The following MPP7 variants were observed in gnomAD, a reference collection of about 807,000 sequenced individuals.
MPP7 encodes MAGUK p55 scaffold protein 7, also known as MAGUK p55 subfamily member 7.
Under a neutral mutation model 76.5 loss-of-function variants are expected in MPP7, and 60 were observed. The ratio of observed to expected loss-of-function variants is 0.78; its 90% CI spans 0.64 to 0.97. The LOEUF (loss-of-function observed/expected upper bound fraction) is 0.97, where lower values mean the gene tolerates loss of function less well. Ranked by LOEUF, MPP7 falls within the 50% of genes least tolerant of loss-of-function variation. The pLI, the probability that MPP7 is intolerant of heterozygous loss-of-function variation, is 0.00. For missense variants in MPP7, 641 were observed against 694.0 expected (o/e 0.92, Z 0.86); for synonymous variants, 237 against 244.5 (o/e 0.97, Z 0.29).
chr10:28,242,682 C>T (rs897255394), intron 1 of MPP7, among the ~76,000 whole-genome samples: 6 of 152,188 alleles, frequency 3.9e-5, no homozygotes, highest in African/African-American at 1.4e-4. Flanking sequence ...GTCTTTTGCA[C>T]TGTACCAGCA....
At chr10:28,218,483 T>C (rs746072228) in intron 2 of MPP7, among the ~76,000 whole-genome samples, 1 of 152,188 alleles carries the variant, frequency 6.6e-6, no homozygotes, top group Non-Finnish European at 1.5e-5. Flanking sequence ...GGTAAAAGAT[T>C]GGCTAACTAA....
At chr10:28,256,045 C>A (rs1442746120) in intron 1 of MPP7, among the ~76,000 whole-genome samples, 2 of 152,126 alleles carry the variant, frequency 1.3e-5, no homozygotes, top group Non-Finnish European at 2.9e-5. Flanking sequence ...GGTTAATTTT[C>A]TTTGCTCTGA....
intron 1 of MPP7, among the ~76,000 whole-genome samples, chr10:28,290,098 C>T (rs1046889783): frequency 6.6e-6 from 1 of 152,208 alleles, no homozygotes; most frequent in African/African-American, 2.4e-5. Flanking sequence ...GGATTACAGG[C>T]GTGTGCCACT....
intron 1 of MPP7, among the ~76,000 whole-genome samples, chr10:28,256,721 T>C (rs986776676): frequency 6.6e-6 from 1 of 152,220 alleles, no homozygotes; most frequent in Non-Finnish European, 1.5e-5. Context: ...TTCTATTAAT[T>C]TTTTAAAATT....
At chr10:28,072,382 C>A (rs1054600085) in intron 12 of MPP7, among the ~76,000 whole-genome samples, 7 of 152,170 alleles carry the variant, frequency 4.6e-5, no homozygotes, top group African/African-American at 1.7e-4. Flanking sequence ...TCTCCTCAGT[C>A]CTTGAAAGTC....
At chr10:28,260,648 T>G (rs1245276129) in intron 1 of MPP7, among the ~76,000 whole-genome samples, 1 of 151,720 alleles carries the variant, frequency 6.6e-6, no homozygotes, top group Non-Finnish European at 1.5e-5. Context: ...GGCACATGCC[T>G]GTAGTGCCAC....
At chr10:28,296,845 T>C (rs914646375) in intron 1 of MPP7, among the ~76,000 whole-genome samples, 1 of 152,208 alleles carries the variant, frequency 6.6e-6, no homozygotes, top group Non-Finnish European at 1.5e-5. Context: ...AAATAATCTT[T>C]CCACACATAT....
chr10:28,286,629 G>A (rs571273390), intron 1 of MPP7, among the ~76,000 whole-genome samples: 36 of 152,224 alleles, frequency 2.4e-4, no homozygotes, highest in Middle Eastern at 3.4e-3. Context: ...CTTTCAGGAC[G>A]TCCATGACAT....
At chr10:28,152,979 T>C (rs1217786984) in intron 3 of MPP7, among the ~76,000 whole-genome samples, 1 of 151,920 alleles carries the variant, frequency 6.6e-6, no homozygotes, top group African/African-American at 2.4e-5. Flanking sequence ...TCAGACCGAG[T>C]GTGGTGGCTC....
chr10:28,220,544 AT>A (rs1233129843), intron 2 of MPP7, among the ~76,000 whole-genome samples: 1 of 152,164 alleles, frequency 6.6e-6, no homozygotes, highest in Admixed American at 6.5e-5. Context: ...GTAAATCTGG[AT>A]TTTACATTAC....
chr10:28,232,334 A>G (rs1838912433), intron 2 of MPP7, among the ~76,000 whole-genome samples: 1 of 149,114 alleles, frequency 6.7e-6, no homozygotes, highest in Non-Finnish European at 1.5e-5. Flanking sequence ...ATCCTGGGTG[A>G]CAGAGTGAGA....
chr10:28,309,849 CAGGG>C (rs147641080), intron 2 of MPP7, among the ~76,000 whole-genome samples: 94,505 of 151,142 alleles, frequency 0.63, 29,758 homozygotes, highest in South Asian at 0.7. Flanking sequence ...GGATTGGCTC[CAGGG>C]TTGGCTCCAG....
chr10:28,086,226 A>C (rs762164649), intron 12 of MPP7, among the ~76,000 whole-genome samples: 1 of 152,176 alleles, frequency 6.6e-6, no homozygotes, highest in African/African-American at 2.4e-5. Context: ...TGGGTGCAGC[A>C]AACCACCATA....
intron 2 of MPP7, among the ~76,000 whole-genome samples, chr10:28,322,987 A>T (rs112184971): frequency 0.12 from 17,766 of 152,046 alleles, 1,321 homozygotes; most frequent in Middle Eastern, 0.17. Context: ...ACCCATCTCT[A>T]CAAAAAAGAA....
chr10:28,277,421 C>T (rs191750097), intron 1 of MPP7, among the ~76,000 whole-genome samples: 7 of 150,598 alleles, frequency 4.6e-5, no homozygotes, highest in East Asian at 3.9e-4. Flanking sequence ...ATCACAAAAA[C>T]GATCTCCTAA....
At chr10:28,096,598 A>C (rs182741060) in intron 11 of MPP7, among the ~76,000 whole-genome samples, 224 of 152,370 alleles carry the variant, frequency 1.5e-3, no homozygotes, top group African/African-American at 5.2e-3. Context: ...AACTGTCATC[A>C]TAAAGAAATT....
At chr10:28,213,114 T>C (rs1173413159) in intron 2 of MPP7, among the ~76,000 whole-genome samples, 2 of 151,904 alleles carry the variant, frequency 1.3e-5, no homozygotes, top group Non-Finnish European at 2.9e-5. Context: ...TAATTTTTAA[T>C]TTTTTTTGTA....
At chr10:28,199,068 G>A (rs1013956961) in intron 3 of MPP7, among the ~76,000 whole-genome samples, 11 of 152,210 alleles carry the variant, frequency 7.2e-5, no homozygotes, top group African/African-American at 2.6e-4. Context: ...ATCTTACATC[G>A]TGGTAAGCAA....
At chr10:28,178,441 C>G (rs1352436276) in intron 3 of MPP7, among the ~76,000 whole-genome samples, 3 of 151,024 alleles carry the variant, frequency 2.0e-5, no homozygotes, top group African/African-American at 7.3e-5. Context: ...AAACACCAAG[C>G]AGGCAAAACA....
Sources: allele counts gnomAD v4.1 joint callset (sites outside exome capture counted in the v4.1 genomes callset), GRCh38; gene constraint gnomAD v4.1.1; transcripts MANE v1.5; gene names NCBI Gene and HGNC (gene_info 2026-07-23, HGNC 2026-07-21).